DOCK4: variants seen among roughly 807,000 people sequenced by gnomAD.
The protein encoded by DOCK4 is dedicator of cytokinesis protein 4.
A neutral mutation model predicts 268.1 loss-of-function variants in DOCK4; 97 were observed. The ratio of observed to expected loss-of-function variants is 0.36; its 90% confidence interval spans 0.31 to 0.43. DOCK4 has a LOEUF of 0.43. Ranked by LOEUF, DOCK4 falls within the 20% of genes least tolerant of loss-of-function variation. The probability of loss-of-function intolerance (pLI) is 1.00; values close to 1 mark genes in which losing one functional copy is unlikely to be tolerated. For missense variants in DOCK4, 2,145 were observed against 2,455.7 expected (o/e 0.87, Z 2.67); for synonymous variants, 954 against 887.2 (o/e 1.08, Z -1.34).
intron 43 of DOCK4, 98 bp from the exon 44 acceptor site, chr7:111,746,515 C>A (rs1268299879): frequency 6.7e-6 from 6 of 890,804 alleles, no homozygotes; most frequent in Non-Finnish European, 1.1e-5. Context: ...GGAAATGACA[C>A]CATTACAAAC....
chr7:111,940,944 C>A (rs375777226), intron 10 of DOCK4, among the ~76,000 whole-genome samples: 1 of 152,126 alleles, frequency 6.6e-6, no homozygotes, highest in South Asian at 2.1e-4. Flanking sequence ...TTTTAAAAAT[C>A]TGCAAATTTG....
At chr7:111,929,181 TAC>T (rs1159437491) in intron 12 of DOCK4, among the ~76,000 whole-genome samples, 1 of 152,152 alleles carries the variant, frequency 6.6e-6, no homozygotes, top group African/African-American at 2.4e-5. Context: ...TGTACATATA[TAC>T]ACACACAAAC....
intron 12 of DOCK4, chr7:111,935,335 T>C (rs1416733688): frequency 3.2e-6 from 2 of 631,126 alleles, no homozygotes; most frequent in South Asian, 1.6e-5. Flanking sequence ...TCAACAAGAA[T>C]AGAATACATT....
intron 6 of DOCK4, 58 bp downstream of exon 6, chr7:111,988,957 T>C (rs1186672357): frequency 3.9e-6 from 6 of 1,554,826 alleles, no homozygotes; most frequent in Non-Finnish European, 5.2e-6. Context: ...GGCTCAGGCC[T>C]ATGTCACTTC....
intron 41 of DOCK4, among the ~76,000 whole-genome samples, chr7:111,756,949 G>A (rs1273404179): frequency 6.6e-6 from 1 of 152,062 alleles, no homozygotes; most frequent in Admixed American, 6.5e-5. Flanking sequence ...AGGCACACAC[G>A]CCAGCCTGCG....
chr7:111,762,182 CT>C (rs1045716730), intron 39 of DOCK4, among the ~76,000 whole-genome samples: 5 of 151,152 alleles, frequency 3.3e-5, no homozygotes, highest in Admixed American at 6.6e-5. Context: ...TATCAGTACT[CT>C]TTTTTTTTCT....
Position 111,940,215 on chromosome 7 carries a change from T to C in DOCK4, c.872A>G (p.Asn291Ser), listed in dbSNP as rs1360524239. 5 of 1,614,026 alleles carry C rather than the reference T, an allele frequency of 3.1e-6. No homozygotes were observed. The highest frequency in any genetic ancestry group is 4.2e-6 in the Non-Finnish European group (5 of 1,179,892). Residue 291 changes from asparagine to serine, a missense_variant, in exon 11 of 53, where the codon AAT (asparagine) becomes AGT (serine). Coordinates refer to ENST00000428084, the MANE Select transcript of DOCK4 (RefSeq NM_001363540.2). ...TCGTCGGTACTGGACACTACAGGCATTCTTTTTTTCTCCTGCTCCCATTCG... is the reference window on the plus strand; with the variant it reads ...TCGTCGGTACTGGACACTACAGGCACTCTTTTTTTCTCCTGCTCCCATTCG... ...IGRMGAGEKK[N>S]ACSVQYRRPF... is the part of the protein sequence containing the mutation.
At chr7:111,766,972 C>G in intron 38 of DOCK4, 60 bp downstream of exon 38, 2 of 1,348,164 alleles carry the variant, frequency 1.5e-6, no homozygotes, top group Non-Finnish European at 2.1e-6. Context: ...TAGAACCACA[C>G]TGGAAAGCTA....
In DOCK4 at chr7:111,727,004, A is replaced by G. The variant is rs1487909372; in HGVS notation, c.*1270T>C. On this transcript the variant is annotated 3_prime_UTR_variant, in exon 53 of 53. Transcript: ENST00000428084. ...CAACAAAAGAGGGAAAATATTTAACAGTATGATTTAAAATACAGTTCATAT... is the reference window on the plus strand; with the variant it reads ...CAACAAAAGAGGGAAAATATTTAACGGTATGATTTAAAATACAGTTCATAT... The G allele has an allele frequency of 6.5e-6, 1 of 152,674 alleles. No individual in the cohort carries two copies. Among genetic ancestry groups the G allele is most frequent in the Non-Finnish European group, 1.5e-5 (1 of 68,042 alleles). The allele number at this position is 152,674 out of a possible 1,614,324, so 9.5% of individuals were successfully genotyped here.
intron 26 of DOCK4, among the ~76,000 whole-genome samples, chr7:111,831,489 CTT>C (rs112825399): frequency 2.1e-5 from 3 of 143,982 alleles, no homozygotes. Flanking sequence ...TTTCCTTTTT[CTT>C]TTTTTTTTTT....
chr7:111,729,124 C>T (rs184525025), intron 52 of DOCK4, among the ~76,000 whole-genome samples: 1 of 152,292 alleles, frequency 6.6e-6, no homozygotes, highest in East Asian at 1.9e-4. Context: ...GTGAGGGAAG[C>T]CCGAGCAGAC....
intron 25 of DOCK4, among the ~76,000 whole-genome samples, chr7:111,836,177 C>CA (rs1359342494): frequency 6.7e-6 from 1 of 149,830 alleles, no homozygotes; most frequent in Non-Finnish European, 1.5e-5. Flanking sequence ...GCCTTGTGCT[C>CA]ACACAGGACT....
chr7:112,045,501 T>C (rs148989528), intron 1 of DOCK4, among the ~76,000 whole-genome samples: 45 of 152,354 alleles, frequency 3.0e-4, no homozygotes, highest in African/African-American at 9.1e-4. Flanking sequence ...ATCTGGCACA[T>C]AGCAGATTCT....
At position 111,872,314 on chromosome 7, in the gene DOCK4, T is replaced by A; in HGVS notation, c.1881A>T (p.Leu627Phe). The A allele has an allele frequency of 6.4e-7, 1 of 1,561,090 alleles. No homozygotes were observed. The highest frequency in any genetic ancestry group is 2.3e-5 in the East Asian group (1 of 43,012). The change falls in exon 19 of 53, where the codon TTA becomes TTT. Residue 627 changes from leucine to phenylalanine, a missense_variant. Around this residue, in one of 2 missense-constraint regions of DOCK4, gnomAD observed 1,598 missense variants for 1,986.7 expected, o/e 0.80. Coordinates refer to ENST00000428084, the MANE Select transcript of DOCK4 (RefSeq NM_001363540.2). Reference protein sequence around the residue: ...QDTLDTLFGILDENSQKYGSK... With the variant: ...QDTLDTLFGIFDENSQKYGSK... ...ACCCATATTTTTGGGAATTTTCATCTAAAATTCCAAATAAGGTATCCAGTG... is the reference window on the plus strand; with the variant it reads ...ACCCATATTTTTGGGAATTTTCATCAAAAATTCCAAATAAGGTATCCAGTG...
At chr7:112,017,067 A>T (rs1391265709) in intron 1 of DOCK4, among the ~76,000 whole-genome samples, 4 of 152,182 alleles carry the variant, frequency 2.6e-5, no homozygotes, top group African/African-American at 9.7e-5. Context: ...TTATAAAGGA[A>T]TCTAGATAAA....
intron 1 of DOCK4, among the ~76,000 whole-genome samples, chr7:112,131,120 T>C (rs1312671937): frequency 6.6e-6 from 1 of 152,208 alleles, no homozygotes; most frequent in Non-Finnish European, 1.5e-5. Context: ...ATCCTGCTTC[T>C]TGTAGTTTTT....
chr7:112,026,854 G>A (rs1312949297), intron 1 of DOCK4, among the ~76,000 whole-genome samples: 3 of 151,916 alleles, frequency 2.0e-5, no homozygotes, highest in Admixed American at 6.6e-5. Flanking sequence ...TTACTCTCCC[G>A]GTCATCTCAC....
intron 1 of DOCK4, among the ~76,000 whole-genome samples, chr7:112,113,119 G>C (rs936912452): frequency 1.3e-5 from 2 of 152,340 alleles, no homozygotes; most frequent in Non-Finnish European, 2.9e-5. Context: ...AGAGGCTATG[G>C]TGAAAGGAGC....
At chr7:111,808,650 T>C (rs543348559) in intron 30 of DOCK4, 171 bp downstream of exon 30, 2 of 575,092 alleles carry the variant, frequency 3.5e-6, no homozygotes, top group Admixed American at 3.3e-5. Context: ...TTTAAAGAAT[T>C]TGTTGTAACC....
Sources: gnomAD v4.1 joint callset for allele counts (sites outside exome capture counted in the v4.1 genomes callset) on GRCh38, gnomAD v4.1.1 for gene constraint, gnomAD v4.1.1 regional missense constraint, MANE v1.5 for transcripts, NCBI Gene and HGNC (gene_info 2026-07-23, HGNC 2026-07-21) for gene names.